HPN: variants seen among roughly 807,000 people sequenced by gnomAD.
The protein encoded by HPN is serine protease hepsin.
Under a neutral mutation model 55.9 loss-of-function variants are expected in HPN, and 13 were observed. The ratio of observed to expected loss-of-function variants is 0.23; its 90% confidence interval spans 0.15 to 0.37. The LOEUF (loss-of-function observed/expected upper bound fraction) is 0.37. Ranked by LOEUF, HPN falls within the 10% of genes least tolerant of loss-of-function variation. The pLI, the probability that HPN is intolerant of heterozygous loss-of-function variation, is 1.00. For missense variants in HPN, 451 were observed against 575.8 expected (o/e 0.78, Z 2.22); for synonymous variants, 225 against 240.3 (o/e 0.94, Z 0.59).
At chr19:35,060,593 G>T (rs1249455983) in intron 8 of HPN, 34 bp from the exon 9 acceptor site, 1 of 1,612,476 alleles carries the variant, frequency 6.2e-7, no homozygotes, top group Non-Finnish European at 8.5e-7. Context: ...TTGTGCCCAG[G>T]CAGGTGGCCA....
chr19:35,064,769 G>A (rs1200078125), intron 9 of HPN, among the ~76,000 whole-genome samples: 1 of 151,986 alleles, frequency 6.6e-6, no homozygotes, highest in Non-Finnish European at 1.5e-5. Flanking sequence ...GCAGGAAGGC[G>A]CCTAGTATGC....
At chr19:35,064,458 C>A (rs1299125422) in intron 9 of HPN, among the ~76,000 whole-genome samples, 1 of 151,428 alleles carries the variant, frequency 6.6e-6, no homozygotes, top group Non-Finnish European at 1.5e-5. Flanking sequence ...AAGCGATTCT[C>A]CTGCCTCAGC....
At chr19:35,059,096 T>G (rs1285435431) in intron 4 of HPN, 1 of 171,020 alleles carries the variant, frequency 5.8e-6, no homozygotes, top group African/African-American at 2.4e-5. Context: ...GAGAGTGAAG[T>G]TCCCCTGGTT....
intron 2 of HPN, among the ~76,000 whole-genome samples, chr19:35,043,506 C>G (rs1365821096): frequency 6.6e-6 from 1 of 152,254 alleles, no homozygotes; most frequent in Non-Finnish European, 1.5e-5. Flanking sequence ...GGCCTCCATT[C>G]TCTCATCTGT....
intron 4 of HPN, chr19:35,059,381 T>G: frequency 3.8e-6 from 2 of 522,900 alleles, no homozygotes; most frequent in Non-Finnish European, 7.1e-6. Context: ...ACTCAGGAGG[T>G]TGAGGTAGGA....
At chr19:35,054,417 C>CAAA (rs539679133) in intron 4 of HPN, among the ~76,000 whole-genome samples, 12 of 103,070 alleles carry the variant, frequency 1.2e-4, no homozygotes, top group Admixed American at 2.1e-4. Flanking sequence ...GATTATGTCT[C>CAAA]AAAAAAAAAA....
At chr19:35,063,410 C>T (rs924710977) in intron 9 of HPN, among the ~76,000 whole-genome samples, 6 of 152,180 alleles carry the variant, frequency 3.9e-5, no homozygotes, top group African/African-American at 1.4e-4. Context: ...ACATGCTTTT[C>T]TTTAAAACCA....
chr19:35,061,805 C>T (rs945211069), intron 9 of HPN, among the ~76,000 whole-genome samples: 3 of 152,116 alleles, frequency 2.0e-5, no homozygotes, highest in Non-Finnish European at 4.4e-5. Context: ...GTGGCTCACG[C>T]CTGTAATCCT....
At position 35,060,957 on chromosome 19, in the gene HPN, G is replaced by A; in HGVS notation, c.811+140G>A. The A allele has an allele frequency of 8.1e-6, 6 of 744,652 alleles. No homozygotes were observed. The East Asian group carries it at 1.1e-4, about 14-fold the overall frequency. The allele number at this position is 744,652 out of a possible 1,614,324, so 46.1% of individuals were successfully genotyped here. On this transcript the variant is annotated intron_variant, in intron 9 of 12. Transcript: ENST00000672452. The stretch of plus-strand genomic sequence containing the variant: ...GAATGATCTCGAGGGAGCACAAAGT[G>A]GGCCTTAACTATCAATGATCAGTGC...
chr19:35,045,096 T>C (rs2064328992), intron 2 of HPN, among the ~76,000 whole-genome samples: 1 of 150,624 alleles, frequency 6.6e-6, no homozygotes, highest in Admixed American at 6.6e-5. Flanking sequence ...GACTAGGAGG[T>C]CCCAGGGAAA....
At chr19:35,042,215 G>T in intron 1 of HPN, 1 of 1,290,352 alleles carries the variant, frequency 7.7e-7, no homozygotes, top group Non-Finnish European at 9.8e-7. Flanking sequence ...TCAGTCCCCT[G>T]CTCCACCAGG....
At chr19:35,048,641 C>G (rs2064371740) in intron 2 of HPN, among the ~76,000 whole-genome samples, 1 of 152,032 alleles carries the variant, frequency 6.6e-6, no homozygotes. Flanking sequence ...CTCCTGTAAT[C>G]TCAGCATTTT....
intron 4 of HPN, among the ~76,000 whole-genome samples, chr19:35,049,856 T>C (rs952379519): frequency 1.1e-5 from 1 of 93,382 alleles, no homozygotes; most frequent in Admixed American, 1.3e-4. Context: ...TGCTAATTTT[T>C]GTTTGTTTTT....
Position 35,049,496 on chromosome 19 carries a change from A to G in HPN, c.140A>G (p.Asp47Gly), listed in dbSNP as rs771674878. 6.2e-7 allele frequency: 1 copy of G among 1,605,566 alleles called. No homozygotes were observed. Among genetic ancestry groups the G allele is most frequent in the Non-Finnish European group, 8.5e-7 (1 of 1,175,902 alleles). The part of the protein sequence containing the change: ...WAIVAVLLRS[D>G]QEPLYPVQVS... Reference sequence around the variant, plus strand: ...GCAGTGGCTGTTCTCCTCAGGAGTGACCAGGAGCCGCTGTACCCAGGTGAG... The same window carrying G: ...GCAGTGGCTGTTCTCCTCAGGAGTGGCCAGGAGCCGCTGTACCCAGGTGAG... Residue 47 changes from aspartate (D) to glycine (G), a missense_variant, in exon 4 of 13, where the codon GAC becomes GGC. Physicochemically the swap from Asp to Gly is moderately conservative, Grantham distance 94 (BLOSUM62 -1). This residue lies in a region of HPN where 378 missense variants were observed against 445.5 expected (regional missense o/e 0.85). Coordinates refer to ENST00000672452, the MANE Select transcript of HPN (RefSeq NM_001384133.1).
At chr19:35,056,254 T>A (rs2064454265) in intron 4 of HPN, among the ~76,000 whole-genome samples, 1 of 152,174 alleles carries the variant, frequency 6.6e-6, no homozygotes, top group Non-Finnish European at 1.5e-5. Context: ...TATTTTTCTC[T>A]GTGGCCCCTT....
chr19:35,050,995 TA>T (rs2064400117), intron 4 of HPN, among the ~76,000 whole-genome samples: 1 of 147,366 alleles, frequency 6.8e-6, no homozygotes, highest in Non-Finnish European at 1.5e-5. Context: ...TAGCTCATTG[TA>T]ACCTACATCT....
intron 4 of HPN, chr19:35,050,601 GA>G: frequency 9.2e-7 from 1 of 1,092,690 alleles, no homozygotes; most frequent in Non-Finnish European, 1.2e-6. Flanking sequence ...ATGAATGAAT[GA>G]ATCTTCCCAA....
chr19:35,041,982 T>A (rs1283391748), intron 1 of HPN, 110 bp downstream of exon 1: 1 of 1,190,368 alleles, frequency 8.4e-7, no homozygotes, highest in Admixed American at 3.8e-5. Context: ...CCTGGGGACC[T>A]GAAGAGGGGG....
intron 4 of HPN, among the ~76,000 whole-genome samples, chr19:35,051,647 T>C (rs1209469440): frequency 2.6e-5 from 4 of 151,084 alleles, no homozygotes; most frequent in South Asian, 4.2e-4. Context: ...GCAGCCTGCG[T>C]AGTAACTGTA....
Sources: gnomAD v4.1 joint callset for allele counts (sites outside exome capture counted in the v4.1 genomes callset) on GRCh38, gnomAD v4.1.1 for gene constraint, gnomAD v4.1.1 regional missense constraint, MANE v1.5 for transcripts, NCBI Gene and HGNC (gene_info 2026-07-23, HGNC 2026-07-21) for gene names.